Variants in VCAN observed in about 807,000 individuals in gnomAD.
VCAN encodes versican core protein.
VCAN carries 44 observed loss-of-function variants against 245.5 expected under a neutral mutation model. The ratio of observed to expected loss-of-function variants is 0.18; its 90% CI spans 0.14 to 0.23. The LOEUF is 0.23. VCAN is among the 10% of genes least tolerant of loss of function. VCAN has a pLI of 1.00. For missense variants in VCAN, 3,793 were observed against 4,057.9 expected (o/e 0.93, Z 1.77); for synonymous variants, 1,413 against 1,437.0 (o/e 0.98, Z 0.38).
chr5:83,500,883 G>A (rs1385579819), intron 5 of VCAN, among the ~76,000 whole-genome samples: 1 of 152,178 alleles, frequency 6.6e-6, no homozygotes, highest in Non-Finnish European at 1.5e-5. Context: ...TTGAGGAAAT[G>A]CTAGGCTGTT....
At chr5:83,552,489 A>G (rs527755947) in intron 10 of VCAN, among the ~76,000 whole-genome samples, 2 of 152,352 alleles carry the variant, frequency 1.3e-5, no homozygotes, top group South Asian at 2.1e-4. Context: ...AATGAAGAAT[A>G]CAGTGCTATG....
chr5:83,503,102 T>C (rs1745379780), intron 5 of VCAN, among the ~76,000 whole-genome samples: 1 of 152,180 alleles, frequency 6.6e-6, no homozygotes, highest in Non-Finnish European at 1.5e-5. Context: ...CAGTATATAT[T>C]ATGTTAACCA....
intron 1 of VCAN, among the ~76,000 whole-genome samples, chr5:83,478,739 G>A (rs1482643311): frequency 6.6e-6 from 1 of 152,112 alleles, no homozygotes; most frequent in African/African-American, 2.4e-5. Context: ...ATGTAAAATG[G>A]GTGTATATTC....
chr5:83,565,390 GGTGTGTGTGT>G lies in VCAN; in HGVS notation c.9736-6999_9736-6990del, dbSNP rs6149088. Among the ~76,000 whole-genome samples the G allele has an allele frequency of 2.8e-3, 418 of 149,222 alleles. 1 individual carries two copies. Among genetic ancestry groups the G allele is most frequent in the African/African-American group, 7.3e-3 (295 of 40,524 alleles). The stretch of plus-strand genomic sequence containing the variant: ...TGCCAAGAAGTATTGTATGTGTAAG[GGTGTGTGTGT>G]GTGTGTGTGTGTGTGTGTGTGTGTG... On this transcript the variant is annotated intron_variant, in intron 12 of 14. Transcript: ENST00000265077.
Position 83,493,710 on chromosome 5 carries a change from C to A in VCAN, c.610C>A (p.Gln204Lys), listed in dbSNP as rs752990329. ...EQCDAGWLADQTVRYPIRAPR... is the reference protein window; with the variant it reads ...EQCDAGWLADKTVRYPIRAPR... ...GTGTGACGCAGGCTGGCTGGCTGAT[C>A]AGACTGTCAGGTAAGAGGTCTGGGG... The change falls in exon 4 of 15, where the codon CAG (glutamine) becomes AAG (lysine). Residue 204 changes from glutamine to lysine, a missense_variant. Gln to Lys is a moderately conservative substitution (Grantham distance 53, BLOSUM62 1). Coordinates refer to ENST00000265077, the MANE Select transcript of VCAN (RefSeq NM_004385.5). 1 of 1,614,120 alleles carries A rather than the reference C, an allele frequency of 6.2e-7. No individual in the cohort carries two copies. The highest frequency in any genetic ancestry group is 1.3e-5 in the African/African-American group (1 of 75,018).
intron 13 of VCAN, among the ~76,000 whole-genome samples, chr5:83,579,640 ATAAAAACTT>A (rs916054681): frequency 2.6e-5 from 4 of 152,190 alleles, no homozygotes; most frequent in African/African-American, 9.7e-5. Context: ...TAATTAAGAA[ATAAAAACTT>A]AGGGACGGTG....
At chr5:83,479,880 CT>C (rs1373832700) in intron 1 of VCAN, among the ~76,000 whole-genome samples, 1 of 152,112 alleles carries the variant, frequency 6.6e-6, no homozygotes, top group Non-Finnish European at 1.5e-5. Context: ...AAATGATCAT[CT>C]TTTAATTCAA....
At chr5:83,493,443 A>G in intron 3 of VCAN, 103 bp from the exon 4 acceptor site, 2 of 1,350,848 alleles carry the variant, frequency 1.5e-6, no homozygotes, top group Non-Finnish European at 2.1e-6. Context: ...TGATATTATT[A>G]CTATGTATCC....
At chr5:83,532,208 A>G (rs1306026903) in intron 7 of VCAN, among the ~76,000 whole-genome samples, 2 of 152,176 alleles carry the variant, frequency 1.3e-5, no homozygotes, top group East Asian at 3.9e-4. Context: ...GGTTTGCAAT[A>G]ATCTCTGTTG....
chr5:83,485,326 C>T (rs1372154277), intron 2 of VCAN, among the ~76,000 whole-genome samples: 1 of 151,362 alleles, frequency 6.6e-6, no homozygotes, highest in African/African-American at 2.4e-5. Context: ...ATTGTTTGAA[C>T]CCGGGAGGTG....
At chr5:83,543,848 A>G (rs936489224) in intron 8 of VCAN, among the ~76,000 whole-genome samples, 1 of 152,196 alleles carries the variant, frequency 6.6e-6, no homozygotes, top group Admixed American at 6.6e-5. Context: ...AGCAGCTCAT[A>G]TGGGATTACC....
chr5:83,521,852 A>G lies in VCAN; in HGVS notation c.3546A>G (p.Ser1182=). Residue 1182 remains serine (S), a synonymous_variant, in exon 7 of 15, where the codon TCA becomes TCG. Transcript: ENST00000265077. ...CCCTAGAGGATATTGATTTAGGCTC[A>G]GGATTATTTGAAAAGCCCAAAGCCA... ...KTSLEDIDLG[S]GLFEKPKATE... is the part of the protein sequence containing the mutation. 6.2e-7 allele frequency: 1 copy of G among 1,614,182 alleles called. No homozygotes were observed. Among genetic ancestry groups the G allele is most frequent in the Non-Finnish European group, 8.5e-7 (1 of 1,180,012 alleles).
intron 12 of VCAN, chr5:83,562,286 C>G (rs1747895569): frequency 6.6e-6 from 1 of 152,132 alleles, no homozygotes; most frequent in Admixed American, 6.6e-5. Context: ...TGAAAGACTA[C>G]TGAGTTCTTA....
chr5:83,529,393 A>G (rs1033884716), intron 7 of VCAN, among the ~76,000 whole-genome samples: 4 of 151,758 alleles, frequency 2.6e-5, no homozygotes, highest in African/African-American at 9.6e-5. Flanking sequence ...AAAAAATAAC[A>G]CAAATAAAAA....
At chr5:83,575,785 A>T (rs1025686432) in intron 13 of VCAN, among the ~76,000 whole-genome samples, 1 of 152,214 alleles carries the variant, frequency 6.6e-6, no homozygotes, top group Admixed American at 6.5e-5. Context: ...ATACCAAAAA[A>T]GATTCACAAA....
intron 1 of VCAN, among the ~76,000 whole-genome samples, chr5:83,476,625 A>G (rs548360838): frequency 1.3e-5 from 2 of 152,252 alleles, no homozygotes; most frequent in East Asian, 1.9e-4. Flanking sequence ...AATTTTTGCC[A>G]GTTTCCTCTT....
Position 83,541,276 on chromosome 5 carries a change from G to T in VCAN, c.8273G>T (p.Gly2758Val), listed in dbSNP as rs1216038014. Reference protein sequence around the residue: ...QEEYEDKKHAGPSFQPEFSSG... With the variant: ...QEEYEDKKHAVPSFQPEFSSG... The stretch of plus-strand genomic sequence containing the variant: ...GAGTATGAAGACAAAAAACATGCTG[G>T]TCCTTCTTTTCAGCCAGAATTCTCT... Residue 2758 changes from glycine to valine, a missense_variant, in exon 8 of 15, where the codon GGT (glycine) becomes GTT (valine). This residue lies in a region of VCAN where 3,182 missense variants were observed against 3,250.3 expected (regional missense o/e 0.98). Coordinates refer to ENST00000265077, the MANE Select transcript of VCAN (RefSeq NM_004385.5). The T allele has an allele frequency of 6.8e-6, 11 of 1,613,834 alleles. No individual in the cohort carries two copies. In the Admixed American group the frequency reaches 1.8e-4, roughly 27 times the overall value.
intron 8 of VCAN, among the ~76,000 whole-genome samples, chr5:83,544,343 G>A (rs888191830): frequency 6.6e-6 from 1 of 152,224 alleles, no homozygotes; most frequent in African/African-American, 2.4e-5. Flanking sequence ...ACATGGGAAT[G>A]TGTACCTATC....
chr5:83,472,341 G>T (rs183670609), intron 1 of VCAN, among the ~76,000 whole-genome samples: 3 of 152,268 alleles, frequency 2.0e-5, no homozygotes, highest in Admixed American at 2.0e-4. Flanking sequence ...ATAGAAAAGT[G>T]GTGGGTTCTT....
Sources: allele counts gnomAD v4.1 joint callset (sites outside exome capture counted in the v4.1 genomes callset), GRCh38; gene constraint gnomAD v4.1.1; regional missense constraint gnomAD v4.1.1; transcripts MANE v1.5; gene names NCBI Gene and HGNC (gene_info 2026-07-23, HGNC 2026-07-21).